Variants in ITGA8 observed in about 807,000 individuals in gnomAD.
The protein encoded by ITGA8 is integrin subunit alpha 8.
Under a neutral mutation model 142.3 loss-of-function variants are expected in ITGA8, and 91 were observed. The ratio of observed to expected loss-of-function variants is 0.64; its 90% CI spans 0.54 to 0.76. The LOEUF is 0.76. Among genes scored for constraint, ITGA8 ranks in the 30% least tolerant of loss-of-function variants. ITGA8 has a pLI of 0.00. For missense variants in ITGA8, 1,406 were observed against 1,327.7 expected, an observed-to-expected ratio of 1.06 and a Z score of -0.92; for synonymous variants, 505 against 485.2, an observed-to-expected ratio of 1.04 and a Z score of -0.54.
chr10:15,531,268 T>C (rs901305978), intron 27 of ITGA8, 117 bp from the exon 28 acceptor site: 8 of 512,934 alleles, frequency 1.6e-5, no homozygotes, highest in African/African-American at 1.4e-4. Flanking sequence ...CCTCCTTCCT[T>C]TTTAATTTTC....
In ITGA8 at chr10:15,719,658, C is replaced by T. The variant is rs773179633; in HGVS notation, c.114G>A (p.Ala38=). Residue 38 remains alanine, a synonymous_variant, in exon 1 of 30, where the codon GCG becomes GCA. Transcript: ENST00000378076. The stretch of plus-strand genomic sequence containing the variant: ...TGAGCTTTTCCACGTCCAGGTTGAA[C>T]GCCTGACAGGCGGGGGACCACAGCA... The part of the protein sequence containing the change: ...GMLLWSPACQ[A]FNLDVEKLTV... The T allele has an allele frequency of 1.3e-6, 2 of 1,520,330 alleles. No individual in the cohort carries two copies. The highest frequency in any genetic ancestry group is 1.7e-6 in the Non-Finnish European group (2 of 1,144,346). The allele number at this position is 1,520,330 out of a possible 1,614,324, so 94.2% of individuals were successfully genotyped here. A position where few individuals can be genotyped will look rare whatever the true frequency, so the allele number is the denominator to read the frequency against.
At chr10:15,619,802 G>C (rs1270938858) in intron 13 of ITGA8, among the ~76,000 whole-genome samples, 1 of 152,136 alleles carries the variant, frequency 6.6e-6, no homozygotes, top group Non-Finnish European at 1.5e-5. Context: ...ATTTAGACAA[G>C]TGTAACACAG....
rs1021997707 is a variant in ITGA8, at chr10:15,514,774, C to T, written c.*2384G>A. ...GTGTGTACAACGGCCTTCTGCAATTCCCATAGGTAGCAGTGCCTGTGGGCA... is the reference window on the plus strand; with the variant it reads ...GTGTGTACAACGGCCTTCTGCAATTTCCATAGGTAGCAGTGCCTGTGGGCA... On this transcript the variant is annotated 3_prime_UTR_variant, in exon 30 of 30. Coordinates refer to ENST00000378076, the MANE Select transcript of ITGA8 (RefSeq NM_003638.3). The T allele has an allele frequency of 6.6e-6, 1 of 152,244 alleles. No individual in the cohort carries two copies. The highest frequency in any genetic ancestry group is 1.5e-5 in the Non-Finnish European group (1 of 68,106). 9.4% of individuals were successfully genotyped at this position (152,244 alleles called of 1,614,324 possible).
At chr10:15,616,064 G>A (rs1833385762) in intron 14 of ITGA8, among the ~76,000 whole-genome samples, 1 of 152,162 alleles carries the variant, frequency 6.6e-6, no homozygotes, top group African/African-American at 2.4e-5. Flanking sequence ...TATTTGAACT[G>A]TTTTCAATAC....
At chr10:15,581,525 G>GTGGT (rs1834406094) in intron 23 of ITGA8, among the ~76,000 whole-genome samples, 1 of 152,106 alleles carries the variant, frequency 6.6e-6, no homozygotes, top group Non-Finnish European at 1.5e-5. Flanking sequence ...GACCCTGAGG[G>GTGGT]TGGTTTTGGG....
At chr10:15,576,755 CT>C (rs1834305428) in intron 23 of ITGA8, among the ~76,000 whole-genome samples, 3 of 152,260 alleles carry the variant, frequency 2.0e-5, no homozygotes, top group African/African-American at 7.2e-5. Context: ...ATCTCAAATG[CT>C]TTTGGTCAAA....
At chr10:15,707,985 CA>C (rs1290366926) in intron 2 of ITGA8, among the ~76,000 whole-genome samples, 3 of 151,692 alleles carry the variant, frequency 2.0e-5, no homozygotes, top group Non-Finnish European at 4.4e-5. Context: ...CACACACACA[CA>C]CACACACACA....
At position 15,605,758 on chromosome 10, in the gene ITGA8, G is replaced by A. The variant is rs117151630; in HGVS notation, c.1936C>T (p.Leu646=). The A allele has an allele frequency of 6.4e-3, 10,268 of 1,613,470 alleles. 54 individuals carry two copies. Among genetic ancestry groups the A allele is most frequent in the Non-Finnish European group, 8.0e-3 (9,412 of 1,179,452 alleles). Residue 646 remains leucine, a synonymous_variant, in exon 19 of 30, where the codon CTG becomes TTG. Coordinates refer to ENST00000378076, the MANE Select transcript of ITGA8 (RefSeq NM_003638.3). ...GACAGCTTCAAGTCAGGAACACACA[G>A]ATTGTCTTCTCCACAGTCCACCAGA... is the stretch of plus-strand genomic sequence containing the variant. ...HILVDCGEDN[L]CVPDLKLSAR...
chr10:15,698,195 T>C (rs1324215025), intron 2 of ITGA8, among the ~76,000 whole-genome samples: 2 of 152,228 alleles, frequency 1.3e-5, no homozygotes, highest in African/African-American at 4.8e-5. Context: ...TCACTCAGAA[T>C]AATGGTCTCC....
intron 7 of ITGA8, among the ~76,000 whole-genome samples, chr10:15,672,388 T>G (rs1834540366): frequency 6.6e-6 from 1 of 152,208 alleles, no homozygotes; most frequent in South Asian, 2.1e-4. Context: ...GTGAAATAGT[T>G]CATGTGCAAA....
At chr10:15,564,338 C>T (rs1834035734) in intron 25 of ITGA8, among the ~76,000 whole-genome samples, 1 of 152,244 alleles carries the variant, frequency 6.6e-6, no homozygotes, top group Admixed American at 6.5e-5. Context: ...TTTGGAGCCT[C>T]TTTCACAATT....
rs1475789625 is a variant in ITGA8, at chr10:15,607,667, G to A, written c.1764+10C>T. Reference sequence around the variant, plus strand: ...GAGAGAGGCCAGAGAAGTCTTTCTGGAATACTTACTCGAAGGTAAACGATG... The same window carrying A: ...GAGAGAGGCCAGAGAAGTCTTTCTGAAATACTTACTCGAAGGTAAACGATG... On this transcript the variant is annotated intron_variant, in intron 17 of 29. Coordinates refer to ENST00000378076, the MANE Select transcript of ITGA8 (RefSeq NM_003638.3). 1 of 1,613,080 alleles carries A rather than the reference G, an allele frequency of 6.2e-7. No individual in the cohort carries two copies. Among genetic ancestry groups the A allele is most frequent in the Non-Finnish European group, 8.5e-7 (1 of 1,179,238 alleles).
intron 15 of ITGA8, among the ~76,000 whole-genome samples, chr10:15,609,892 T>G (rs1007009198): frequency 2.6e-5 from 4 of 152,196 alleles, no homozygotes; most frequent in Non-Finnish European, 4.4e-5. Context: ...CAATTCAAAA[T>G]AACTAATTTT....
chr10:15,640,579 T>C (rs1186930753), intron 13 of ITGA8, among the ~76,000 whole-genome samples: 1 of 152,178 alleles, frequency 6.6e-6, no homozygotes, highest in African/African-American at 2.4e-5. Flanking sequence ...GCCATCCAAC[T>C]ACCTTTAGGG....
In ITGA8 at chr10:15,516,293, A is replaced by G. The variant is rs1223941001; in HGVS notation, c.*865T>C. 6.6e-6 allele frequency: 1 copy of G among 152,254 alleles called. No homozygotes were observed. The highest frequency in any genetic ancestry group is 6.5e-5 in the Admixed American group (1 of 15,288). The allele number at this position is 152,254 out of a possible 1,614,324, so 9.4% of individuals were successfully genotyped here. On this transcript the variant is annotated 3_prime_UTR_variant, in exon 30 of 30. Transcript: ENST00000378076. ...AGGAAATATAAATGCAACATCTTGC[A>G]AAGCTAAATTAAGCAGATGTGAGTC...
At chr10:15,661,755 G>A (rs758304745) in intron 8 of ITGA8, among the ~76,000 whole-genome samples, 104 of 152,284 alleles carry the variant, frequency 6.8e-4, no homozygotes, top group African/African-American at 1.3e-3. Context: ...GGACAGGGAC[G>A]TGGATGATTC....
At position 15,692,262 on chromosome 10, in the gene ITGA8, A is replaced by AT. The variant is rs569363520; in HGVS notation, c.344-4225_344-4224insA. ...ACAGTTTTTGTCAATTAAAAAAAAA[A>AT]CTTGAGCACCAATTTTCATATAGAG... On this transcript the variant is annotated intron_variant, in intron 2 of 29. Transcript: ENST00000378076. Among the ~76,000 whole-genome samples the AT allele has an allele frequency of 2.3e-3, 347 of 152,166 alleles. 2 individuals are homozygous for AT. Among genetic ancestry groups the AT allele is most frequent in the African/African-American group, 7.4e-3 (309 of 41,528 alleles).
rs183286912 is a variant in ITGA8 at position 15,711,774 on chromosome 10, A to C, written c.343+6992T>G. 4.2e-3 allele frequency among the ~76,000 whole-genome samples: 635 copies of C among 152,220 alleles called. 8 individuals carry two copies. Among genetic ancestry groups the C allele is most frequent in the South Asian group, 0.023 (112 of 4,824 alleles). ...AATCTATACCTTAATTTTACCCCCC[A>C]AAAAAAGAAAGAAAGGGTAAATAAT... On this transcript the variant is annotated intron_variant, in intron 2 of 29. Coordinates refer to ENST00000378076, the MANE Select transcript of ITGA8 (RefSeq NM_003638.3).
At chr10:15,646,604 G>A (rs1833985123) in intron 12 of ITGA8, among the ~76,000 whole-genome samples, 1 of 152,132 alleles carries the variant, frequency 6.6e-6, no homozygotes, top group African/African-American at 2.4e-5. Context: ...GTGTTGCATT[G>A]TAATCTTGTG....
Sources: gnomAD v4.1 joint callset for allele counts (sites outside exome capture counted in the v4.1 genomes callset) on GRCh38, gnomAD v4.1.1 for gene constraint, MANE v1.5 for transcripts, NCBI Gene and HGNC (gene_info 2026-07-23, HGNC 2026-07-21) for gene names.